Variants in IP6K1 observed in about 807,000 individuals in gnomAD.
IP6K1 encodes ATP:1D-myo-inositol-hexakisphosphate phosphotransferase.
Under a neutral mutation model 38.3 loss-of-function variants are expected in IP6K1, and 13 were observed. The ratio of observed to expected loss-of-function variants is 0.34; its 90% CI spans 0.22 to 0.54. The LOEUF (loss-of-function observed/expected upper bound fraction) is 0.54. IP6K1 is among the 20% of genes least tolerant of loss of function. IP6K1 has a pLI of 0.92. For synonymous variants in IP6K1, 212 were observed against 229.9 expected (o/e 0.92, Z 0.70); for missense variants, 397 against 599.8 (o/e 0.66, Z 3.53).
At chr3:49,768,246 G>A (rs1157364544) in intron 1 of IP6K1, among the ~76,000 whole-genome samples, 1 of 152,156 alleles carries the variant, frequency 6.6e-6, no homozygotes, top group Admixed American at 6.6e-5. Flanking sequence ...ATACACCAAT[G>A]TTCACAGCAT....
chr3:49,750,892 A>G (rs562139468), intron 1 of IP6K1, among the ~76,000 whole-genome samples: 1 of 152,294 alleles, frequency 6.6e-6, no homozygotes, highest in South Asian at 2.1e-4. Flanking sequence ...CTAAGAGTAA[A>G]TATACCACAT....
In IP6K1 at chr3:49,727,497, G is replaced by T; in HGVS notation, c.951C>A (p.Gly317=). The T allele has an allele frequency of 6.2e-7, 1 of 1,614,194 alleles. No homozygotes were observed. Among genetic ancestry groups the T allele is most frequent in the Non-Finnish European group, 8.5e-7 (1 of 1,180,024 alleles). Residue 317 remains glycine, a synonymous_variant, in exon 6 of 6, where the codon GGC becomes GGA. Transcript: ENST00000321599. The surrounding 1 kb of genome is among the most constrained non-coding windows in gnomAD (Gnocchi z 5.9). ...LFEPILSKLR[G]LKAVLERQAS... is the part of the protein sequence containing the mutation. ...CCTGCCGCTCCAGCACAGCTTTCAG[G>T]CCCCGCAGTTTGCTCAGGATAGGCT...
chr3:49,756,918 G>C (rs961358093), intron 1 of IP6K1, among the ~76,000 whole-genome samples: 3 of 151,970 alleles, frequency 2.0e-5, no homozygotes, highest in Non-Finnish European at 4.4e-5. Flanking sequence ...GAAGCCACTG[G>C]ATTACCTGTG....
intron 2 of IP6K1, among the ~76,000 whole-genome samples, chr3:49,746,320 T>C (rs1313875071): frequency 2.0e-5 from 3 of 150,642 alleles, no homozygotes; most frequent in African/African-American, 7.3e-5. Context: ...CATCAACAGA[T>C]GAATGAATAA....
intron 1 of IP6K1, among the ~76,000 whole-genome samples, chr3:49,757,313 T>C (rs2080832445): frequency 6.6e-6 from 1 of 152,252 alleles, no homozygotes; most frequent in South Asian, 2.1e-4. Flanking sequence ...TTAAGCACAG[T>C]GGGGACAAGT....
chr3:49,773,023 C>T (rs1253616461), intron 1 of IP6K1, among the ~76,000 whole-genome samples: 1 of 151,980 alleles, frequency 6.6e-6, no homozygotes, highest in East Asian at 1.9e-4. Flanking sequence ...GCGGGCCTTG[C>T]TGGGTTGTCC....
chr3:49,775,610 G>C (rs2081000381), intron 1 of IP6K1: 1 of 920,016 alleles, frequency 1.1e-6, no homozygotes, highest in Non-Finnish European at 1.6e-6. Flanking sequence ...TTCAAGAAGA[G>C]GTGATTGGTG....
chr3:49,729,196 C>T (rs1363197186), intron 4 of IP6K1, among the ~76,000 whole-genome samples: 1 of 152,092 alleles, frequency 6.6e-6, no homozygotes, highest in African/African-American at 2.4e-5. Flanking sequence ...TGGAATTATA[C>T]AGTATTTGTC....
intron 4 of IP6K1, among the ~76,000 whole-genome samples, chr3:49,730,958 C>T (rs1179830529): frequency 6.6e-6 from 1 of 152,128 alleles, no homozygotes; most frequent in Non-Finnish European, 1.5e-5. Flanking sequence ...ATCTGCCGGC[C>T]TCGGCCTCCC....
intron 1 of IP6K1, chr3:49,775,544 T>G (rs747728848): frequency 2.7e-5 from 28 of 1,027,876 alleles, no homozygotes; most frequent in Non-Finnish European, 3.7e-5. Flanking sequence ...GCCCAAAGAT[T>G]GTCAATTTGG....
At chr3:49,742,089 T>A (rs375013205) in intron 2 of IP6K1, among the ~76,000 whole-genome samples, 1 of 149,472 alleles carries the variant, frequency 6.7e-6, no homozygotes, top group African/African-American at 2.5e-5. Context: ...AAAATAAAAA[T>A]AAAAAAATAA....
chr3:49,762,015 G>C (rs922289724), intron 1 of IP6K1, among the ~76,000 whole-genome samples: 1 of 152,074 alleles, frequency 6.6e-6, no homozygotes, highest in Non-Finnish European at 1.5e-5. Flanking sequence ...GGCCTGGCAC[G>C]ATCTTGGCTC....
Position 49,727,608 on chromosome 3 carries a change from A to G in IP6K1, c.840T>C (p.Tyr280=), listed in dbSNP as rs112349786. Residue 280 remains tyrosine, a synonymous_variant, in exon 6 of 6, where the codon TAT becomes TAC. Coordinates refer to ENST00000321599, the MANE Select transcript of IP6K1 (RefSeq NM_153273.4). This position sits in a 1 kb window ranked among gnomAD's most constrained non-coding sequence, Gnocchi z 5.9. ...TGHYLCRNKY[Y]GRGLSIEGFR... is the part of the protein sequence containing the mutation. ...AGCCTTCAATGGAGAGCCCACGGCC[A>G]TAGTACTTGTTCCTGCAGAGGTAAT... 4.3e-6 allele frequency: 7 copies of G among 1,614,226 alleles called. No individual in the cohort carries two copies. The highest frequency in any genetic ancestry group is 1.3e-5 in the African/African-American group (1 of 75,056).
chr3:49,732,464 A>T (rs1212938609), intron 4 of IP6K1, among the ~76,000 whole-genome samples: 1 of 152,222 alleles, frequency 6.6e-6, no homozygotes. Context: ...AATAAAATTT[A>T]AATTAACTGC....
chr3:49,776,631 T>G (rs1373769739), intron 1 of IP6K1, among the ~76,000 whole-genome samples: 1 of 152,144 alleles, frequency 6.6e-6, no homozygotes, highest in Non-Finnish European at 1.5e-5. Flanking sequence ...TTGCCTTGTT[T>G]AACCTCAGCT....
intron 1 of IP6K1, among the ~76,000 whole-genome samples, chr3:49,752,703 G>A (rs554133589): frequency 7.9e-5 from 12 of 150,992 alleles, no homozygotes; most frequent in African/African-American, 2.4e-4. Context: ...TGATCTGCCC[G>A]CCTAGACCTC....
rs538469063 is a variant in IP6K1 at position 49,725,538 on chromosome 3, T to G, written c.*1584A>C. The G allele has an allele frequency of 1.8e-4, 28 of 152,754 alleles. No individual in the cohort carries two copies. The highest frequency in any genetic ancestry group is 6.3e-4 in the African/African-American group (26 of 41,576). The allele number at this position is 152,754 out of a possible 1,614,324, so 9.5% of individuals were successfully genotyped here. The stretch of plus-strand genomic sequence containing the variant: ...CTTTAAGGACCAGGAAATGAGTCCA[T>G]CAGTTACCAAGGCTTCTCACAGCTG... On this transcript the variant is annotated 3_prime_UTR_variant, in exon 6 of 6. Transcript: ENST00000321599.
chr3:49,728,608 C>T (rs1160210246), intron 4 of IP6K1, among the ~76,000 whole-genome samples: 1 of 152,070 alleles, frequency 6.6e-6, no homozygotes, highest in Admixed American at 6.6e-5. Flanking sequence ...CGGAGTCTCG[C>T]TCTGTTACCC....
At chr3:49,764,233 A>G (rs1375225700) in intron 1 of IP6K1, among the ~76,000 whole-genome samples, 1 of 151,272 alleles carries the variant, frequency 6.6e-6, no homozygotes, top group Non-Finnish European at 1.5e-5. Flanking sequence ...GAAAAAAAAA[A>G]TAGCCAGACA....
Sources: gnomAD v4.1 joint callset for allele counts (sites outside exome capture counted in the v4.1 genomes callset) on GRCh38, gnomAD v4.1.1 for gene constraint, Gnocchi (gnomAD v3.1) non-coding constraint, MANE v1.5 for transcripts, NCBI Gene and HGNC (gene_info 2026-07-23, HGNC 2026-07-21) for gene names.